TNFRSF10A: variants seen among roughly 807,000 people sequenced by gnomAD.
The protein encoded by TNFRSF10A is tumor necrosis factor receptor superfamily member 10A.
TNFRSF10A carries 44 observed loss-of-function variants against 42.8 expected under a neutral mutation model. The observed-to-expected ratio is 1.03, with a 90% CI of 0.81 to 1.32. The LOEUF (loss-of-function observed/expected upper bound fraction) is 1.32. Among genes scored for constraint, TNFRSF10A ranks in the 40% most tolerant of loss-of-function variants. TNFRSF10A has a pLI of 0.00. For synonymous variants in TNFRSF10A, 259 were observed against 234.2 expected (o/e 1.11, Z -0.97); for missense variants, 680 against 602.0 (o/e 1.13, Z -1.36).
chr8:23,215,982 C>T (rs1195287894), intron 1 of TNFRSF10A, among the ~76,000 whole-genome samples: 2 of 151,978 alleles, frequency 1.3e-5, no homozygotes, highest in Non-Finnish European at 2.9e-5. Flanking sequence ...CCACGCCTGG[C>T]TAATTTTGTA....
At chr8:23,214,960 A>G (rs535876786) in intron 1 of TNFRSF10A, among the ~76,000 whole-genome samples, 10 of 152,368 alleles carry the variant, frequency 6.6e-5, no homozygotes, top group South Asian at 2.1e-4. Flanking sequence ...AAATTACATT[A>G]TAAAGACAAG....
chr8:23,222,079 G>T (rs1801264842), intron 1 of TNFRSF10A, among the ~76,000 whole-genome samples: 1 of 151,992 alleles, frequency 6.6e-6, no homozygotes, highest in South Asian at 2.1e-4. Context: ...GGGTTTCACC[G>T]TGTTAGCCAG....
intron 9 of TNFRSF10A, among the ~76,000 whole-genome samples, chr8:23,195,944 A>C (rs1800817427): frequency 6.6e-6 from 1 of 152,172 alleles, no homozygotes; most frequent in Non-Finnish European, 1.5e-5. Context: ...AATCAACCCA[A>C]TATGTCCATC....
In TNFRSF10A at chr8:23,197,162, C is replaced by T. The variant is rs769757963; in HGVS notation, c.1057G>A (p.Val353Ile). 2 of 1,614,200 alleles carry T rather than the reference C, an allele frequency of 1.2e-6. No individual in the cohort carries two copies. Among genetic ancestry groups the T allele is most frequent in the South Asian group, 1.1e-5 (1 of 91,086 alleles). The change falls in exon 9 of 10, where the codon GTT becomes ATT. Residue 353 changes from valine to isoleucine, a missense_variant. Coordinates refer to ENST00000221132, the MANE Select transcript of TNFRSF10A (RefSeq NM_003844.4). ...GTGGGGTCAGCACCATTTGCTGGAA[C>T]CAGCAGCCTCCTCCTCTGAGACCCT... ...AEGSQRRRLL[V>I]PANGADPTET...
intron 1 of TNFRSF10A, among the ~76,000 whole-genome samples, chr8:23,212,648 A>C (rs1305737277): frequency 1.3e-5 from 2 of 152,230 alleles, no homozygotes; most frequent in Non-Finnish European, 2.9e-5. Flanking sequence ...GCTATTGTGA[A>C]TAAAGCTGCT....
intron 2 of TNFRSF10A, among the ~76,000 whole-genome samples, chr8:23,205,297 A>C (rs1385557513): frequency 1.3e-5 from 2 of 152,166 alleles, no homozygotes; most frequent in Non-Finnish European, 2.9e-5. Context: ...ATAATGGAGG[A>C]GGAAAATTCC....
rs1800898568 is a variant in TNFRSF10A at position 23,200,720 on chromosome 8, A to G, written c.670T>C (p.Trp224Arg). The G allele has an allele frequency of 6.9e-7, 1 of 1,456,310 alleles. No homozygotes were observed. Among genetic ancestry groups the G allele is most frequent in the Non-Finnish European group, 9.2e-7 (1 of 1,082,436 alleles). 90.2% of individuals were successfully genotyped at this position (1,456,310 alleles called of 1,614,324 possible). The stretch of plus-strand genomic sequence containing the variant: ...TTGTGGACACACTCGATGTCACTCC[A>G]GGGCGTACAATCCTTGACCTTGACC... ...GMVKVKDCTP[W>R]SDIECVHKES... The change falls in exon 5 of 10, where the codon TGG becomes CGG. Residue 224 changes from tryptophan (W) to arginine (R), a missense_variant. Physicochemically the swap from Trp to Arg is moderately radical, Grantham distance 101 (BLOSUM62 -3). Transcript: ENST00000221132.
chr8:23,223,177 C>G (rs55704079), intron 1 of TNFRSF10A, among the ~76,000 whole-genome samples: 2 of 152,164 alleles, frequency 1.3e-5, no homozygotes, highest in Admixed American at 6.5e-5. Flanking sequence ...GCCATTCTCC[C>G]GCCTCAGCCT....
intron 2 of TNFRSF10A, among the ~76,000 whole-genome samples, chr8:23,204,737 C>T (rs1800981775): frequency 6.6e-6 from 1 of 151,976 alleles, no homozygotes; most frequent in Non-Finnish European, 1.5e-5. Flanking sequence ...AATTAGAAAT[C>T]AATAGCAGGA....
chr8:23,224,503 G>C (rs566321791), intron 1 of TNFRSF10A: 55 of 532,058 alleles, frequency 1.0e-4, no homozygotes, highest in Non-Finnish European at 1.7e-4. Flanking sequence ...GCGCCAGGCA[G>C]CAGCCAACGG....
At chr8:23,224,495 G>T in intron 1 of TNFRSF10A, 1 of 519,564 alleles carries the variant, frequency 1.9e-6, no homozygotes, top group Non-Finnish European at 3.4e-6. Flanking sequence ...AGGGAGACGC[G>T]CCAGGCAGCA....
At position 23,204,047 on chromosome 8, in the gene TNFRSF10A, G is replaced by T. The variant is rs150326733; in HGVS notation, c.404-1286C>A. On this transcript the variant is annotated intron_variant, in intron 2 of 9. Coordinates refer to ENST00000221132, the MANE Select transcript of TNFRSF10A (RefSeq NM_003844.4). ...CTGCCTCGGCCTCCCAAAGTGCTGG[G>T]ATTACAGGAGTGAGCCACCGTGCCA... Among the ~76,000 whole-genome samples, 168 of 152,240 alleles carry T rather than the reference G, an allele frequency of 1.1e-3. 1 individual carries two copies. The highest frequency in any genetic ancestry group is 4.0e-3 in the African/African-American group (165 of 41,550).
At chr8:23,216,651 A>C (rs537848504) in intron 1 of TNFRSF10A, among the ~76,000 whole-genome samples, 1 of 152,162 alleles carries the variant, frequency 6.6e-6, no homozygotes, top group African/African-American at 2.4e-5. Context: ...CTGAGACAGG[A>C]GAATCACTTG....
chr8:23,198,090 T>C (rs894101849), intron 8 of TNFRSF10A, among the ~76,000 whole-genome samples: 1 of 151,906 alleles, frequency 6.6e-6, no homozygotes, highest in African/African-American at 2.4e-5. Flanking sequence ...AATGGAACAG[T>C]CTAGGTGGAA....
At position 23,199,292 on chromosome 8, in the gene TNFRSF10A, A is replaced by T; in HGVS notation, c.988T>A (p.Ser330Thr). Reference protein sequence around the residue: ...PADLTGVTVQSPGEAQCLLGP... With the variant: ...PADLTGVTVQTPGEAQCLLGP... The stretch of plus-strand genomic sequence containing the variant: ...AGCAGACACTGTGCCTCCCCTGGGG[A>T]CTGTACAGTGACACCTGTCAAATCT... Residue 330 changes from serine to threonine, a missense_variant, in exon 8 of 10, where the codon TCC becomes ACC. Ser to Thr is a moderately conservative substitution (Grantham distance 58). Transcript: ENST00000221132. The T allele has an allele frequency of 1.9e-6, 3 of 1,614,090 alleles. No homozygotes were observed. The highest frequency in any genetic ancestry group is 2.5e-6 in the Non-Finnish European group (3 of 1,179,984).
At chr8:23,213,593 G>A (rs996895824) in intron 1 of TNFRSF10A, among the ~76,000 whole-genome samples, 3 of 151,484 alleles carry the variant, frequency 2.0e-5, no homozygotes, top group African/African-American at 4.8e-5. Context: ...GACTACAGGC[G>A]CCCGCCACCA....
rs755443445 is a variant in TNFRSF10A at position 23,200,554 on chromosome 8, AACAACCAAAGTC to A, written c.738_749del (p.Thr247_Val250del). Reference sequence around the variant, plus strand: ...TCAGCACAGCCACCAACAGCAACGGAACAACCAAAGTCACAACCAAAATCACCCATATATTAT... The same window carrying A: ...TCAGCACAGCCACCAACAGCAACGGAACAACCAAAATCACCCATATATTAT... On this transcript the variant is annotated inframe_deletion, in exon 6 of 10. Coordinates refer to ENST00000221132, the MANE Select transcript of TNFRSF10A (RefSeq NM_003844.4). 9.3e-6 allele frequency: 15 copies of A among 1,614,076 alleles called. No individual in the cohort carries two copies. Among genetic ancestry groups the A allele is most frequent in the Non-Finnish European group, 1.3e-5 (15 of 1,180,034 alleles).
chr8:23,201,741 C>G, intron 4 of TNFRSF10A, 67 bp downstream of exon 4: 1 of 1,425,720 alleles, frequency 7.0e-7, no homozygotes. Context: ...AGACTCGGGT[C>G]TTTTTAGGGT....
chr8:23,205,445 T>C (rs528418349), intron 2 of TNFRSF10A, among the ~76,000 whole-genome samples: 1 of 152,208 alleles, frequency 6.6e-6, no homozygotes, highest in African/African-American at 2.4e-5. Context: ...ATAATGATAA[T>C]AAATGACTTA....
Sources: allele counts gnomAD v4.1 joint callset (sites outside exome capture counted in the v4.1 genomes callset), GRCh38; gene constraint gnomAD v4.1.1; transcripts MANE v1.5; gene names NCBI Gene and HGNC (gene_info 2026-07-23, HGNC 2026-07-21).